Variants in PAN2 observed in about 807,000 individuals in gnomAD.
PAN2 encodes PAN2-PAN3 deadenylation complex catalytic subunit PAN2.
PAN2 carries 68 observed loss-of-function variants against 133.3 expected under a neutral mutation model. The ratio of observed to expected loss-of-function variants is 0.51; its 90% CI spans 0.42 to 0.62. The LOEUF is 0.62. Ranked by LOEUF, PAN2 falls within the 20% of genes least tolerant of loss-of-function variation. The pLI, the probability that PAN2 is intolerant of heterozygous loss-of-function variation, is 0.00. For missense variants in PAN2, 1,042 were observed against 1,500.5 expected, an observed-to-expected ratio of 0.69 and a Z score of 5.05; for synonymous variants, 462 against 544.6, an observed-to-expected ratio of 0.85 and a Z score of 2.11.
In PAN2 at chr12:56,332,917, C is replaced by A. The variant is rs144463048; in HGVS notation, c.178G>T (p.Gly60Cys). 1 of 1,614,200 alleles carries A rather than the reference C, an allele frequency of 6.2e-7. No individual in the cohort carries two copies. The highest frequency in any genetic ancestry group is 8.5e-7 in the Non-Finnish European group (1 of 1,180,042). ...ACGCTGTGCAATTCAGAGTAGACAC[C>A]TTCCATTATGTGCACTGATTCCTGG... The part of the protein sequence containing the change: ...PVQESVHIME[G>C]VYSELHSVVA... The change falls in exon 2 of 26, where the codon GGT (glycine) becomes TGT (cysteine). Residue 60 changes from glycine (G) to cysteine (C), a missense_variant. Around this residue, in one of 3 missense-constraint regions of PAN2, gnomAD observed 908 missense variants for 1,223.5 expected, o/e 0.74. Coordinates refer to ENST00000440411, the MANE Select transcript of PAN2 (RefSeq NM_014871.6).
At chr12:56,321,900 G>C (rs1426126212) in intron 20 of PAN2, among the ~76,000 whole-genome samples, 178 bp downstream of exon 20, 2 of 151,696 alleles carry the variant, frequency 1.3e-5, no homozygotes, top group African/African-American at 2.4e-5. Flanking sequence ...TTGCTATGTT[G>C]CTCAGGCTGG....
intron 2 of PAN2, among the ~76,000 whole-genome samples, chr12:56,330,988 G>C (rs902493838): frequency 6.6e-6 from 1 of 151,514 alleles, no homozygotes; most frequent in Admixed American, 6.6e-5. Context: ...CAGTAGAGAC[G>C]GGGGTTTCAC....
chr12:56,327,819 A>T, intron 5 of PAN2, 176 bp downstream of exon 5: 1 of 1,338,860 alleles, frequency 7.5e-7, no homozygotes, highest in South Asian at 1.5e-5. Flanking sequence ...TATCATAGAA[A>T]ACATCAAGCT....
Position 56,323,147 on chromosome 12 carries a change from AC to A in PAN2, c.2407del (p.Val803SerfsTer9). On this transcript the variant is annotated frameshift_variant, in exon 17 of 26. Coordinates refer to ENST00000440411, the MANE Select transcript of PAN2 (RefSeq NM_014871.6). LOFTEE classifies it high-confidence loss of function. ...VCPSIEELKN[V>X]WLPFSIRMKM... ...CATGCGAATGGAGAAAGGAAGCCAG[AC>A]GTTCTTCAACTCCTCAATGGAGGGA... The A allele has an allele frequency of 6.2e-7, 1 of 1,614,184 alleles. No individual in the cohort carries two copies. Among genetic ancestry groups the A allele is most frequent in the Admixed American group, 1.7e-5 (1 of 60,028 alleles).
At chr12:56,331,703 T>G (rs976463615) in intron 2 of PAN2, among the ~76,000 whole-genome samples, 6 of 128,888 alleles carry the variant, frequency 4.7e-5, no homozygotes, top group African/African-American at 1.5e-4. Flanking sequence ...GGACAGCGTT[T>G]TTTTTTTTTT....
At chr12:56,326,167 T>G in intron 8 of PAN2, 146 bp downstream of exon 8, 1 of 661,388 alleles carries the variant, frequency 1.5e-6, no homozygotes, top group Non-Finnish European at 2.4e-6. Flanking sequence ...TCTCTATCTT[T>G]GAATCCTCCC....
rs951824317 is a variant in PAN2, at chr12:56,319,497, G to C, written c.3091-10C>G. On this transcript the variant is annotated splice_polypyrimidine_tract_variant and intron_variant, in intron 22 of 25. Transcript: ENST00000440411. The surrounding 1 kb of genome is among the most constrained non-coding windows in gnomAD (Gnocchi z 5.4). ...TCAAGTAATCCACCACCTAGGAATA[G>C]AGAAAAGGACAAGCCTTTTTCAGGA... 5 of 1,609,490 alleles carry C rather than the reference G, an allele frequency of 3.1e-6. No homozygotes were observed. The highest frequency in any genetic ancestry group is 1.3e-5 in the African/African-American group (1 of 74,734).
At chr12:56,318,668 A>G in intron 24 of PAN2, 2 of 503,300 alleles carry the variant, frequency 4.0e-6, no homozygotes, top group East Asian at 6.5e-5. Context: ...CACTTTTCCT[A>G]CTTTTTCTTT....
Position 56,319,289 on chromosome 12 carries a change from T to G in PAN2, c.3270+19A>C. 6.2e-7 allele frequency: 1 copy of G among 1,612,064 alleles called. No homozygotes were observed. Among genetic ancestry groups the G allele is most frequent in the Non-Finnish European group, 8.5e-7 (1 of 1,179,034 alleles). On this transcript the variant is annotated intron_variant, in intron 23 of 25. Coordinates refer to ENST00000440411, the MANE Select transcript of PAN2 (RefSeq NM_014871.6). This position sits in a 1 kb window ranked among gnomAD's most constrained non-coding sequence, Gnocchi z 5.4. ...GGGCCCACTCTCACAAGAAGACTCTTAAAAGAGCCCTGCCAAACCATCAGG... is the reference window on the plus strand; with the variant it reads ...GGGCCCACTCTCACAAGAAGACTCTGAAAAGAGCCCTGCCAAACCATCAGG...
At chr12:56,321,771 A>C (rs552493125) in intron 20 of PAN2, among the ~76,000 whole-genome samples, 1 of 151,630 alleles carries the variant, frequency 6.6e-6, no homozygotes, top group South Asian at 2.1e-4. Context: ...GAATCGCTTG[A>C]ACCCAGGAGG....
intron 2 of PAN2, among the ~76,000 whole-genome samples, chr12:56,330,864 T>C (rs1875756060): frequency 6.6e-6 from 1 of 152,006 alleles, no homozygotes; most frequent in African/African-American, 2.4e-5. Context: ...AGTGGTGTGA[T>C]CTCAGCTCAC....
intron 8 of PAN2, 42 bp downstream of exon 8, chr12:56,326,271 C>T (rs890734243): frequency 2.7e-6 from 4 of 1,508,016 alleles, no homozygotes; most frequent in African/African-American, 2.8e-5. Flanking sequence ...GGAGAAACTT[C>T]AGTGGGCCGG....
chr12:56,333,169 A>G lies in PAN2; in HGVS notation c.-75T>C. Reference sequence around the variant, plus strand: ...CCTTTAGATGCCTGACCCAACCTTCAGCAAGACAGCACCGATGGGCCTAGA... The same window carrying G: ...CCTTTAGATGCCTGACCCAACCTTCGGCAAGACAGCACCGATGGGCCTAGA... On this transcript the variant is annotated 5_prime_UTR_variant, in exon 2 of 26. An upstream open reading frame in the 5' UTR loses its in-frame stop. Coordinates refer to ENST00000440411, the MANE Select transcript of PAN2 (RefSeq NM_014871.6). 1 of 1,481,316 alleles carries G rather than the reference A, an allele frequency of 6.8e-7. No individual in the cohort carries two copies. Among genetic ancestry groups the G allele is most frequent in the Non-Finnish European group, 9.3e-7 (1 of 1,072,980 alleles). The allele number at this position is 1,481,316 out of a possible 1,614,324, so 91.8% of individuals were successfully genotyped here. A position where few individuals can be genotyped will look rare whatever the true frequency, so the allele number is the denominator to read the frequency against.
At position 56,323,508 on chromosome 12, in the gene PAN2, G is replaced by A. The variant is rs1467037824; in HGVS notation, c.2263C>T (p.Gln755Ter). 2 of 1,613,546 alleles carry A rather than the reference G, an allele frequency of 1.2e-6. No individual in the cohort carries two copies. The highest frequency in any genetic ancestry group is 2.2e-5 in the South Asian group (2 of 91,072). Reference sequence around the variant, plus strand: ...CTAGTCTGAGTCCTTACCTCAGCCTGCATTCTCCAGAAATCAGCCTCTTTT... The same window carrying A: ...CTAGTCTGAGTCCTTACCTCAGCCTACATTCTCCAGAAATCAGCCTCTTTT... ...SSKEADFWRMQAEVAFKMAVK... is the reference protein window; with the variant it reads ...SSKEADFWRM The change falls in exon 15 of 26, where the codon CAG becomes TAG. Residue 755 changes from glutamine to a stop codon, truncating the protein, a stop_gained. Coordinates refer to ENST00000440411, the MANE Select transcript of PAN2 (RefSeq NM_014871.6). LOFTEE classifies it high-confidence loss of function.
rs1289298884 is a variant in PAN2, at chr12:56,326,771, G to A, written c.1108C>T (p.Arg370Cys). ...SPEPSFNPYSRETEFALPCLV... is the reference protein window; with the variant it reads ...SPEPSFNPYSCETEFALPCLV... ...CACGGCAAAGCAAACTCAGTCTCAC[G>A]GGAGTAGGGGTTGAAGGAAGGCTCC... The change falls in exon 7 of 26, where the codon CGT becomes TGT. Residue 370 changes from arginine to cysteine, a missense_variant. Coordinates refer to ENST00000440411, the MANE Select transcript of PAN2 (RefSeq NM_014871.6). The A allele has an allele frequency of 3.1e-6, 5 of 1,614,232 alleles. No homozygotes were observed. Among genetic ancestry groups the A allele is most frequent in the Admixed American group, 1.7e-5 (1 of 60,024 alleles).
chr12:56,322,685 A>C lies in PAN2; in HGVS notation c.2567T>G (p.Leu856Arg). Residue 856 changes from leucine to arginine, a missense_variant, in exon 18 of 26, where the codon CTG becomes CGG. Around this residue, in one of 3 missense-constraint regions of PAN2, gnomAD observed 908 missense variants for 1,223.5 expected, o/e 0.74. Coordinates refer to ENST00000440411, the MANE Select transcript of PAN2 (RefSeq NM_014871.6). ...CAGGCTGCCCCCTGTGCGTGAGTCC[A>C]GGATGTGTACCACAGTAGCCATCAG... ...YDLMATVVHI[L>R]DSRTGGSLVA... The C allele has an allele frequency of 6.2e-7, 1 of 1,614,184 alleles. No homozygotes were observed. The highest frequency in any genetic ancestry group is 1.6e-4 in the Middle Eastern group (1 of 6,062).
chr12:56,325,447 T>A lies in PAN2; in HGVS notation c.1367A>T (p.Tyr456Phe). The part of the protein sequence containing the change: ...PRTRLRNQIP[Y>F]RLKESDSEFD... ...TTCACTGTCTGACTCCTTGAGTCTGTAGGGTATCTAGGGATTTTAGGAAGA... is the reference window on the plus strand; with the variant it reads ...TTCACTGTCTGACTCCTTGAGTCTGAAGGGTATCTAGGGATTTTAGGAAGA... The change falls in exon 9 of 26, where the codon TAC becomes TTC. Residue 456 changes from tyrosine to phenylalanine, a missense_variant. By Grantham distance (22) the Tyr-to-Phe change is conservative (BLOSUM62 3). Around this residue, in one of 3 missense-constraint regions of PAN2, gnomAD observed 908 missense variants for 1,223.5 expected, o/e 0.74. Transcript: ENST00000440411. The A allele has an allele frequency of 6.2e-7, 1 of 1,614,002 alleles. No individual in the cohort carries two copies. The highest frequency in any genetic ancestry group is 2.2e-5 in the East Asian group (1 of 44,890).
At position 56,328,309 on chromosome 12, in the gene PAN2, T is replaced by C. The variant is rs139759050; in HGVS notation, c.502A>G (p.Thr168Ala). Residue 168 changes from threonine to alanine, a missense_variant, in exon 4 of 26, where the codon ACT becomes GCT. Coordinates refer to ENST00000440411, the MANE Select transcript of PAN2 (RefSeq NM_014871.6). Reference protein sequence around the residue: ...MHSLLLTDSSTLLVGGLQNHI... With the variant: ...MHSLLLTDSSALLVGGLQNHI... ...TTCTGCAGCCCACCAACGAGTAGAG[T>C]GCTGCTGTCAGTCAGTAGGAGACTG... 7 of 1,609,674 alleles carry C rather than the reference T, an allele frequency of 4.3e-6. No individual in the cohort carries two copies. Among genetic ancestry groups the C allele is most frequent in the Non-Finnish European group, 5.9e-6 (7 of 1,177,550 alleles).
rs780639196 is a variant in PAN2, at chr12:56,323,200, T to A, written c.2355A>T (p.Leu785=). 6.2e-7 allele frequency: 1 copy of A among 1,613,938 alleles called. No homozygotes were observed. Among genetic ancestry groups the A allele is most frequent in the East Asian group, 2.2e-5 (1 of 44,904 alleles). ...KEFALADWKE[L]GSPEGVLVCP... ...ACACCAGCACACCCTCTGGACTCCC[T>A]AGTTCCTTCCTATCAGGTCAGAAGA... The change falls in exon 17 of 26, where the codon CTA becomes CTT. Residue 785 remains leucine (L), a synonymous_variant. Transcript: ENST00000440411.
Sources: gnomAD v4.1 joint callset for allele counts (sites outside exome capture counted in the v4.1 genomes callset) on GRCh38, gnomAD v4.1.1 for gene constraint, gnomAD v4.1.1 regional missense constraint, Gnocchi (gnomAD v3.1) non-coding constraint, MANE v1.5 for transcripts, NCBI Gene and HGNC (gene_info 2026-07-23, HGNC 2026-07-21) for gene names.